The following LRP11 variants were observed in gnomAD, a reference collection of about 807,000 sequenced individuals.
The protein encoded by LRP11 is low-density lipoprotein receptor-related protein 11.
A neutral mutation model predicts 43.1 loss-of-function variants in LRP11; 25 were observed. That is an observed-to-expected ratio of 0.58 (90% CI 0.42 to 0.81). The LOEUF (loss-of-function observed/expected upper bound fraction) is 0.81, where lower values mean the gene tolerates loss of function less well. Ranked by LOEUF, LRP11 falls within the 30% of genes least tolerant of loss-of-function variation. The pLI, the probability that LRP11 is intolerant of heterozygous loss-of-function variation, is 0.00. For missense variants in LRP11, 623 were observed against 665.1 expected, an observed-to-expected ratio of 0.94 and a Z score of 0.70; for synonymous variants, 316 against 299.4, an observed-to-expected ratio of 1.06 and a Z score of -0.57.
chr6:149,847,572 A>T (rs1485065998), intron 2 of LRP11, among the ~76,000 whole-genome samples: 3 of 152,208 alleles, frequency 2.0e-5, no homozygotes, highest in Non-Finnish European at 4.4e-5. Context: ...TCCAAGTATC[A>T]GGATAAAAAA....
At chr6:149,848,759 G>GA (rs879452833) in intron 2 of LRP11, among the ~76,000 whole-genome samples, 110 of 145,872 alleles carry the variant, frequency 7.5e-4, no homozygotes, top group East Asian at 1.6e-3. Flanking sequence ...GAGAGGTTTA[G>GA]AAAAAAAACA....
chr6:149,838,638 T>C (rs1049626132), intron 3 of LRP11, among the ~76,000 whole-genome samples: 7 of 151,478 alleles, frequency 4.6e-5, no homozygotes, highest in Admixed American at 1.3e-4. Flanking sequence ...TGAGCCAAGA[T>C]TGTGACACTG....
At chr6:149,821,225 G>A (rs1400331149) in intron 6 of LRP11, among the ~76,000 whole-genome samples, 1 of 152,022 alleles carries the variant, frequency 6.6e-6, no homozygotes, top group East Asian at 1.9e-4. Flanking sequence ...CACCGTGCCC[G>A]GCCAACACAG....
At position 149,855,046 on chromosome 6, in the gene LRP11, C is replaced by T. The variant is rs537276681; in HGVS notation, c.614-1886G>A. 3.3e-5 allele frequency among the ~76,000 whole-genome samples: 5 copies of T among 152,290 alleles called. No individual in the cohort carries two copies. The East Asian group carries it at 9.6e-4, about 29-fold the overall frequency. On this transcript the variant is annotated intron_variant, in intron 1 of 6. Transcript: ENST00000239367. Reference sequence around the variant, plus strand: ...TTTCAGATGTTTAGGACCTAACCCTCCAGGATTCTCTTCTCTTCTAGTGGT... The same window carrying T: ...TTTCAGATGTTTAGGACCTAACCCTTCAGGATTCTCTTCTCTTCTAGTGGT...
chr6:149,858,886 A>T (rs1776842613), intron 1 of LRP11, among the ~76,000 whole-genome samples: 1 of 152,230 alleles, frequency 6.6e-6, no homozygotes, highest in Admixed American at 6.5e-5. Context: ...TTTCCTAAAA[A>T]ATATTCCAGA....
At chr6:149,843,832 C>G (rs996445572) in intron 2 of LRP11, among the ~76,000 whole-genome samples, 1 of 152,224 alleles carries the variant, frequency 6.6e-6, no homozygotes, top group Non-Finnish European at 1.5e-5. Context: ...TTGCTCACTT[C>G]CCATTTAGTC....
chr6:149,860,959 C>T (rs565615821), intron 1 of LRP11, among the ~76,000 whole-genome samples: 25 of 152,198 alleles, frequency 1.6e-4, no homozygotes, highest in Non-Finnish European at 2.6e-4. Flanking sequence ...TGAGTTCATG[C>T]GTGCAAAGGG....
intron 1 of LRP11, among the ~76,000 whole-genome samples, chr6:149,862,577 C>CTTTTT (rs10553273): frequency 0.19 from 24,250 of 125,128 alleles, 2,483 homozygotes; most frequent in East Asian, 0.35. Flanking sequence ...TTTTCTTTTC[C>CTTTTT]TTTTTTTTTT....
chr6:149,857,615 C>T (rs1343922887), intron 1 of LRP11, among the ~76,000 whole-genome samples: 3 of 152,066 alleles, frequency 2.0e-5, no homozygotes, highest in Admixed American at 1.3e-4. Flanking sequence ...ACAAATAAGC[C>T]ACAAGATTAG....
intron 1 of LRP11, among the ~76,000 whole-genome samples, chr6:149,861,193 A>C (rs1776887393): frequency 6.6e-6 from 1 of 152,192 alleles, no homozygotes; most frequent in Non-Finnish European, 1.5e-5. Context: ...TAGTCTCTGA[A>C]GCATAAACAA....
At chr6:149,842,904 G>A (rs1057368830) in intron 3 of LRP11, 79 bp downstream of exon 3, 19 of 1,520,014 alleles carry the variant, frequency 1.2e-5, no homozygotes, top group Admixed American at 1.0e-4. Flanking sequence ...CCCATGGAGC[G>A]CAGAGCCAGA....
chr6:149,860,277 C>T (rs1438385179), intron 1 of LRP11, among the ~76,000 whole-genome samples: 4 of 152,070 alleles, frequency 2.6e-5, no homozygotes, highest in African/African-American at 9.7e-5. Flanking sequence ...CAAATTCTTC[C>T]CCGAGATACT....
chr6:149,835,297 C>T (rs778950904), intron 5 of LRP11, among the ~76,000 whole-genome samples: 2 of 152,070 alleles, frequency 1.3e-5, no homozygotes, highest in African/African-American at 2.4e-5. Context: ...ATGCTTTAGT[C>T]ATGTTAATGT....
chr6:149,862,410 G>A (rs1163008901), intron 1 of LRP11, among the ~76,000 whole-genome samples: 4 of 152,094 alleles, frequency 2.6e-5, no homozygotes, highest in Admixed American at 2.0e-4. Context: ...GCACAATCAA[G>A]GTCTCTTATT....
At chr6:149,842,528 C>G in intron 3 of LRP11, 1 of 923,384 alleles carries the variant, frequency 1.1e-6, no homozygotes. Flanking sequence ...ACACTTTGTA[C>G]CCTTTGACCA....
At chr6:149,841,018 G>A (rs1215613228) in intron 3 of LRP11, among the ~76,000 whole-genome samples, 1 of 152,178 alleles carries the variant, frequency 6.6e-6, no homozygotes, top group Admixed American at 6.5e-5. Context: ...CTGGAGTTTG[G>A]TGCCTGTCCT....
rs1331201496 is a variant in LRP11 at position 149,820,050 on chromosome 6, C to G, written c.*499G>C. 6.5e-6 allele frequency: 1 copy of G among 153,922 alleles called. No individual in the cohort carries two copies. The highest frequency in any genetic ancestry group is 1.4e-5 in the Non-Finnish European group (1 of 69,382). 9.5% of individuals were successfully genotyped at this position (153,922 alleles called of 1,614,324 possible). ...TAGGTATACCCACCCTAAGTAACATCTGATTGAAGGCATGAACTTGCTTGA... is the reference window on the plus strand; with the variant it reads ...TAGGTATACCCACCCTAAGTAACATGTGATTGAAGGCATGAACTTGCTTGA... On this transcript the variant is annotated 3_prime_UTR_variant, in exon 7 of 7. Coordinates refer to ENST00000239367, the MANE Select transcript of LRP11 (RefSeq NM_032832.6).
At chr6:149,835,203 T>C (rs1181639759) in intron 5 of LRP11, among the ~76,000 whole-genome samples, 1 of 152,078 alleles carries the variant, frequency 6.6e-6, no homozygotes, top group African/African-American at 2.4e-5. Flanking sequence ...GGTCTCAAAC[T>C]CTTGGCCTCA....
In LRP11 at chr6:149,820,439, A is replaced by C. The variant is rs1333280632; in HGVS notation, c.*110T>G. 3 of 499,544 alleles carry C rather than the reference A, an allele frequency of 6.0e-6. No individual in the cohort carries two copies. In the Admixed American group the frequency reaches 1.0e-4, roughly 17 times the overall value. The allele number at this position is 499,544 out of a possible 1,614,324, so 30.9% of individuals were successfully genotyped here. ...ATAAAGAAAGATTTGGGATTTGCAG[A>C]ATCTTCTGGCCCAATTAAAAACAAA... On this transcript the variant is annotated 3_prime_UTR_variant, in exon 7 of 7. Transcript: ENST00000239367.
Sources: gnomAD v4.1 joint callset for allele counts (sites outside exome capture counted in the v4.1 genomes callset) on GRCh38, gnomAD v4.1.1 for gene constraint, MANE v1.5 for transcripts, NCBI Gene and HGNC (gene_info 2026-07-23, HGNC 2026-07-21) for gene names.